ATP10B: variants seen among roughly 807,000 people sequenced by gnomAD.
ATP10B encodes ATPase phospholipid transporting 10B (putative), also known as phospholipid-transporting ATPase VB.
Under a neutral mutation model 141.2 loss-of-function variants are expected in ATP10B, and 122 were observed. The observed-to-expected ratio is 0.86, with a 90% CI of 0.75 to 1.00. ATP10B has a LOEUF of 1.00. Ranked by LOEUF, ATP10B falls within the 50% of genes least tolerant of loss-of-function variation. The pLI, the probability that ATP10B is intolerant of heterozygous loss-of-function variation, is 0.00. For synonymous variants in ATP10B, 685 were observed against 692.0 expected, an observed-to-expected ratio of 0.99 and a Z score of 0.16; for missense variants, 1,876 against 1,825.3, an observed-to-expected ratio of 1.03 and a Z score of -0.51.
chr5:160,663,908 T>C (rs1377584337), intron 7 of ATP10B, among the ~76,000 whole-genome samples: 2 of 152,168 alleles, frequency 1.3e-5, no homozygotes, highest in Non-Finnish European at 2.9e-5. Context: ...CCTCATTTGT[T>C]AAATAGATAA....
intron 22 of ATP10B, among the ~76,000 whole-genome samples, chr5:160,591,444 C>T (rs1172171496): frequency 1.3e-5 from 2 of 152,156 alleles, no homozygotes; most frequent in Non-Finnish European, 2.9e-5. Context: ...TTGTGCCTAC[C>T]TAGTAAGTAC....
chr5:160,653,311 C>T (rs1004001340), intron 7 of ATP10B, among the ~76,000 whole-genome samples: 7 of 125,472 alleles, frequency 5.6e-5, no homozygotes, highest in African/African-American at 1.8e-4. Flanking sequence ...TACATACATA[C>T]ATAGGTAGTA....
At chr5:160,880,821 T>C in the ATP10B span, among the ~76,000 whole-genome samples, 22 of 152,130 alleles carry the variant, frequency 1.4e-4, no homozygotes, top group South Asian at 4.4e-3. Flanking sequence ...AAATATAAAA[T>C]ACAAAACTAT....
At chr5:160,682,811 G>A (rs1178953090) in intron 6 of ATP10B, among the ~76,000 whole-genome samples, 3 of 152,126 alleles carry the variant, frequency 2.0e-5, no homozygotes, top group East Asian at 3.9e-4. Flanking sequence ...AGGCCGAGGC[G>A]GGCGGATCAC....
chr5:160,744,794 C>T (rs1008824545), intron 2 of ATP10B, among the ~76,000 whole-genome samples: 3 of 152,186 alleles, frequency 2.0e-5, no homozygotes, highest in Admixed American at 2.0e-4. Flanking sequence ...TGTTAAGTCT[C>T]CGTAGATAGT....
chr5:160,740,289 C>T (rs901681447), intron 2 of ATP10B, among the ~76,000 whole-genome samples: 1 of 152,144 alleles, frequency 6.6e-6, no homozygotes, highest in African/African-American at 2.4e-5. Context: ...CATTTAGGGT[C>T]CACTGTCAAA....
chr5:160,689,538 C>CA (rs1360080119), intron 3 of ATP10B, among the ~76,000 whole-genome samples: 1 of 152,176 alleles, frequency 6.6e-6, no homozygotes, highest in Non-Finnish European at 1.5e-5. Context: ...TCTCAGGATA[C>CA]AAAATCAATG....
intron 24 of ATP10B, among the ~76,000 whole-genome samples, chr5:160,570,483 C>A (rs1385485183): frequency 6.6e-6 from 1 of 152,160 alleles, no homozygotes; most frequent in Non-Finnish European, 1.5e-5. Context: ...AGCAAATGTA[C>A]TGCAGTCTAA....
At chr5:160,600,485 A>G (rs10071093) in intron 21 of ATP10B, among the ~76,000 whole-genome samples, 1,591 of 152,332 alleles carry the variant, frequency 0.01, 29 homozygotes, top group African/African-American at 0.035. Context: ...AGCCTCACGC[A>G]GGCCATGATT....
chr5:160,804,123 G>A (rs1772606877), intron 1 of ATP10B, among the ~76,000 whole-genome samples: 1 of 152,252 alleles, frequency 6.6e-6, no homozygotes, highest in South Asian at 2.1e-4. Context: ...ATAGAGATAA[G>A]CAGATCTATT....
At chr5:160,846,946 G>A (rs530959877) in intron 1 of ATP10B, among the ~76,000 whole-genome samples, 9 of 152,264 alleles carry the variant, frequency 5.9e-5, no homozygotes, top group South Asian at 4.1e-4. Context: ...GATCCTATGC[G>A]GTTGAAGCCC....
At chr5:160,853,392 T>C (rs1432103192), upstream of ATP10B, among the ~76,000 whole-genome samples, 2 of 152,162 alleles carry the variant, frequency 1.3e-5, no homozygotes, top group Non-Finnish European at 2.9e-5. Flanking sequence ...TGAAGCCCCC[T>C]TGTGCCATGG....
intron 1 of ATP10B, among the ~76,000 whole-genome samples, chr5:160,832,834 G>A (rs1473092165): frequency 6.6e-6 from 1 of 152,114 alleles, no homozygotes; most frequent in Non-Finnish European, 1.5e-5. Context: ...ACCTGCCATA[G>A]GTGGGGGTAA....
At chr5:160,845,174 G>C (rs1015315632) in intron 1 of ATP10B, among the ~76,000 whole-genome samples, 4 of 152,196 alleles carry the variant, frequency 2.6e-5, no homozygotes, top group African/African-American at 9.6e-5. Context: ...GTGTCTGAAA[G>C]TTGTCAATTA....
At chr5:160,599,418 T>C (rs2127622483) in intron 21 of ATP10B, among the ~76,000 whole-genome samples, 1 of 152,322 alleles carries the variant, frequency 6.6e-6, no homozygotes, top group African/African-American at 2.4e-5. Context: ...TGGTTTTGAA[T>C]CCCCAATTCT....
At chr5:160,577,295 A>C (rs1318170816) in intron 24 of ATP10B, among the ~76,000 whole-genome samples, 2 of 152,178 alleles carry the variant, frequency 1.3e-5, no homozygotes, top group African/African-American at 4.8e-5. Context: ...CATTGCCCAA[A>C]ACAGTGGCTG....
chr5:160,738,251 A>T (rs1767254042), intron 2 of ATP10B, among the ~76,000 whole-genome samples: 1 of 152,164 alleles, frequency 6.6e-6, no homozygotes, highest in Non-Finnish European at 1.5e-5. Context: ...ATAAACATCA[A>T]AATTTGTGAG....
intron 2 of ATP10B, among the ~76,000 whole-genome samples, chr5:160,725,778 C>G (rs916003044): frequency 6.6e-6 from 1 of 152,126 alleles, no homozygotes; most frequent in African/African-American, 2.4e-5. Flanking sequence ...GATGCACTAG[C>G]CTGTTGCCAT....
the ATP10B span, among the ~76,000 whole-genome samples, chr5:160,888,896 A>G: frequency 3.3e-5 from 5 of 152,204 alleles, no homozygotes; most frequent in Admixed American, 3.3e-4. Context: ...GAATCCATTA[A>G]AAGTGTTGCT....
Sources: allele counts gnomAD v4.1 joint callset (sites outside exome capture counted in the v4.1 genomes callset), GRCh38; gene constraint gnomAD v4.1.1; transcripts MANE v1.5; gene names NCBI Gene and HGNC (gene_info 2026-07-23, HGNC 2026-07-21).